The following EXT1 variants were observed in gnomAD, a reference collection of about 807,000 sequenced individuals.
EXT1 encodes the protein exostosin glycosyltransferase 1, also known as exostosin-1.
Under a neutral mutation model 82.5 loss-of-function variants are expected in EXT1, and 20 were observed. The observed-to-expected ratio is 0.24, with a 90% CI of 0.17 to 0.35. EXT1 has a LOEUF of 0.35. EXT1 is among the 10% of genes least tolerant of loss of function. EXT1 has a pLI of 1.00. For synonymous variants in EXT1, 348 were observed against 350.8 expected, an observed-to-expected ratio of 0.99 and a Z score of 0.09; for missense variants, 757 against 936.5, an observed-to-expected ratio of 0.81 and a Z score of 2.50.
intron 1 of EXT1, among the ~76,000 whole-genome samples, chr8:117,895,112 T>C (rs889283778): frequency 6.6e-6 from 1 of 152,164 alleles, no homozygotes; most frequent in African/African-American, 2.4e-5. Context: ...TTAGATGACA[T>C]GATCAAAATG....
chr8:117,825,469 C>T (rs530157775), intron 4 of EXT1, among the ~76,000 whole-genome samples: 1 of 152,020 alleles, frequency 6.6e-6, no homozygotes, highest in South Asian at 2.1e-4. Flanking sequence ...AAAATCAATA[C>T]ACACACACAC....
At chr8:118,105,477 AAGT>A (rs1277694840) in intron 1 of EXT1, among the ~76,000 whole-genome samples, 2 of 152,192 alleles carry the variant, frequency 1.3e-5, no homozygotes, top group Non-Finnish European at 2.9e-5. Context: ...ATGTCCCTGA[AAGT>A]AGCAAATAAC....
intron 1 of EXT1, among the ~76,000 whole-genome samples, chr8:118,081,426 T>A (rs953268461): frequency 1.1e-4 from 16 of 152,224 alleles, no homozygotes; most frequent in Admixed American, 9.8e-4. Context: ...AGATAACTGC[T>A]TCTAAAGTCA....
chr8:117,864,768 C>CAAA (rs767778554), intron 1 of EXT1, among the ~76,000 whole-genome samples: 4 of 117,696 alleles, frequency 3.4e-5, no homozygotes, highest in African/African-American at 1.2e-4. Context: ...AAAAAAATCG[C>CAAA]AAAAAAAAAA....
chr8:118,106,023 A>C (rs1377803787), intron 1 of EXT1, among the ~76,000 whole-genome samples: 1 of 152,198 alleles, frequency 6.6e-6, no homozygotes, highest in Non-Finnish European at 1.5e-5. Flanking sequence ...CTTAGACTAA[A>C]CAGCTCCACA....
chr8:117,917,248 C>T (rs912611916), intron 1 of EXT1, among the ~76,000 whole-genome samples: 1 of 152,030 alleles, frequency 6.6e-6, no homozygotes, highest in Admixed American at 6.6e-5. Context: ...CCGAGGCGGG[C>T]GGATCATTTG....
At chr8:117,944,127 C>T (rs1814340055) in intron 1 of EXT1, among the ~76,000 whole-genome samples, 1 of 152,170 alleles carries the variant, frequency 6.6e-6, no homozygotes, top group Non-Finnish European at 1.5e-5. Flanking sequence ...TCTGGCAGGG[C>T]ATGGTAGCTC....
intron 1 of EXT1, among the ~76,000 whole-genome samples, chr8:117,904,154 C>T (rs28357276): frequency 0.26 from 38,851 of 152,084 alleles, 5,707 homozygotes; most frequent in East Asian, 0.36. Context: ...TTAAGGATAA[C>T]TGGAAACGTG....
At chr8:118,001,665 T>G (rs1484026536) in intron 1 of EXT1, among the ~76,000 whole-genome samples, 1 of 152,164 alleles carries the variant, frequency 6.6e-6, no homozygotes, top group Non-Finnish European at 1.5e-5. Flanking sequence ...AGAAAAAATG[T>G]AGTAAAACCA....
chr8:117,885,470 T>TC (rs1339288445), intron 1 of EXT1, among the ~76,000 whole-genome samples: 15 of 141,156 alleles, frequency 1.1e-4, no homozygotes, highest in Non-Finnish European at 2.0e-4. Flanking sequence ...GATTTTTTTT[T>TC]CCCTGAAAAT....
intron 1 of EXT1, among the ~76,000 whole-genome samples, chr8:117,999,347 T>G (rs1469312069): frequency 6.6e-6 from 1 of 152,200 alleles, no homozygotes; most frequent in Non-Finnish European, 1.5e-5. Context: ...TTATAGAGAC[T>G]AGAATTGCAG....
At chr8:117,953,871 C>T (rs1280377279) in intron 1 of EXT1, among the ~76,000 whole-genome samples, 2 of 152,000 alleles carry the variant, frequency 1.3e-5, no homozygotes, top group African/African-American at 4.8e-5. Flanking sequence ...GATCGCACCA[C>T]TGCACTCCAG....
intron 1 of EXT1, among the ~76,000 whole-genome samples, chr8:117,932,390 G>A (rs1814077516): frequency 6.6e-6 from 1 of 152,156 alleles, no homozygotes. Flanking sequence ...CTAGTTTTGA[G>A]GAATTAAAAA....
intron 1 of EXT1, among the ~76,000 whole-genome samples, chr8:117,908,608 C>T (rs1031332305): frequency 1.3e-5 from 2 of 151,814 alleles, no homozygotes; most frequent in Non-Finnish European, 2.9e-5. Context: ...CCAGCCCGGG[C>T]AACAGAGCGA....
chr8:117,801,414 C>A (rs1298976175), intron 10 of EXT1, among the ~76,000 whole-genome samples: 6 of 152,158 alleles, frequency 3.9e-5, no homozygotes, highest in Admixed American at 3.9e-4. Context: ...AGAAAGATAT[C>A]AAATGGAGCT....
Position 118,111,436 on chromosome 8 carries a change from GGATTCCTC to G in EXT1, c.-398_-391del. The G allele has an allele frequency of 3.8e-6, 2 of 528,866 alleles. No homozygotes were observed. The highest frequency in any genetic ancestry group is 6.6e-6 in the Non-Finnish European group (2 of 301,862). The allele number at this position is 528,866 out of a possible 1,614,324, so 32.8% of individuals were successfully genotyped here. Reference sequence around the variant, plus strand: ...AGACGAAGTGATTGCCTTGCCTCTCGGATTCCTCTCGGCAGCGTGGAAAATGAGCCCCG... The same window carrying G: ...AGACGAAGTGATTGCCTTGCCTCTCGTCGGCAGCGTGGAAAATGAGCCCCG... On this transcript the variant is annotated 5_prime_UTR_variant, in exon 1 of 11. Coordinates refer to ENST00000378204, the MANE Select transcript of EXT1 (RefSeq NM_000127.3).
intron 8 of EXT1, among the ~76,000 whole-genome samples, chr8:117,809,218 A>AATATATATAT (rs71307404): frequency 0.019 from 2,061 of 107,826 alleles, 41 homozygotes; most frequent in Middle Eastern, 0.032. Flanking sequence ...TGTGTGTATA[A>AATATATATAT]ATATATATAT....
chr8:118,091,436 T>C (rs1177351235), intron 1 of EXT1, among the ~76,000 whole-genome samples: 1 of 152,162 alleles, frequency 6.6e-6, no homozygotes, highest in Non-Finnish European at 1.5e-5. Flanking sequence ...CTCTGTGTTA[T>C]TACAAAAAAA....
chr8:117,997,287 A>G (rs1815566544), intron 1 of EXT1, among the ~76,000 whole-genome samples: 1 of 142,120 alleles, frequency 7.0e-6, no homozygotes, highest in South Asian at 2.2e-4. Context: ...TATATACTTT[A>G]TATATAATAT....
Sources: gnomAD v4.1 joint callset for allele counts (sites outside exome capture counted in the v4.1 genomes callset) on GRCh38, gnomAD v4.1.1 for gene constraint, MANE v1.5 for transcripts, NCBI Gene and HGNC (gene_info 2026-07-23, HGNC 2026-07-21) for gene names.